CUX1: variants seen among roughly 807,000 people sequenced by gnomAD.
The protein encoded by CUX1 is protein CASP.
In CUX1, 31 loss-of-function variants were observed where a neutral mutation model predicts 158.8. That is an observed-to-expected ratio of 0.20 (90% confidence interval 0.15 to 0.26). The LOEUF (loss-of-function observed/expected upper bound fraction) is 0.26. Ranked by LOEUF, CUX1 falls within the 10% of genes least tolerant of loss-of-function variation. CUX1 has a pLI of 1.00. For missense variants in CUX1, 1,589 were observed against 2,014.6 expected (o/e 0.79, Z 4.04); for synonymous variants, 879 against 862.1 (o/e 1.02, Z -0.34).
chr7:102,252,995 G>A lies in CUX1; in HGVS notation c.*3953G>A, dbSNP rs782697108. ...AAATGCCAGGATCGTGGCTCACAGG[G>A]ACCCACCATCAAAACCTGCTACTTT... On this transcript the variant is annotated 3_prime_UTR_variant, in exon 24 of 24. Transcript: ENST00000292535. 4.5e-4 allele frequency: 447 copies of A among 985,312 alleles called. No individual in the cohort carries two copies. Among genetic ancestry groups the A allele is most frequent in the Admixed American group, 9.2e-4 (15 of 16,272 alleles). The allele number at this position is 985,312 out of a possible 1,614,324, so 61.0% of individuals were successfully genotyped here. A position where few individuals can be genotyped will look rare whatever the true frequency, so the allele number is the denominator to read the frequency against.
chr7:102,206,881 A>G (rs1404275197), intron 20 of CUX1, among the ~76,000 whole-genome samples: 1 of 152,202 alleles, frequency 6.6e-6, no homozygotes, highest in African/African-American at 2.4e-5. Flanking sequence ...CCTGGGCAAC[A>G]GAGCGAGACT....
intron 3 of CUX1, among the ~76,000 whole-genome samples, chr7:102,066,239 C>T (rs981061995): frequency 6.6e-6 from 1 of 152,134 alleles, no homozygotes; most frequent in African/African-American, 2.4e-5. Flanking sequence ...TCCTTCATCG[C>T]TCTGTGACAT....
In CUX1 at chr7:102,256,260, T is replaced by A; in HGVS notation, c.*7218T>A. On this transcript the variant is annotated 3_prime_UTR_variant, in exon 24 of 24. Transcript: ENST00000292535. Reference sequence around the variant, plus strand: ...TCTTGTCTTGTTGAAATGGACTGACTGCTACTGACCTGCCGGCGTGCGTGA... The same window carrying A: ...TCTTGTCTTGTTGAAATGGACTGACAGCTACTGACCTGCCGGCGTGCGTGA... The A allele has an allele frequency of 4.1e-6, 4 of 985,474 alleles. No homozygotes were observed. Among genetic ancestry groups the A allele is most frequent in the Non-Finnish European group, 4.8e-6 (4 of 829,942 alleles). The allele number at this position is 985,474 out of a possible 1,614,324, so 61.0% of individuals were successfully genotyped here. A position where few individuals can be genotyped will look rare whatever the true frequency, so the allele number is the denominator to read the frequency against.
chr7:102,274,333 G>A (rs1357628114), intron 16 of CUX1: 2 of 1,585,254 alleles, frequency 1.3e-6, no homozygotes, highest in African/African-American at 1.3e-5. Context: ...CTGACCCATG[G>A]GAGGAGGGAG....
In CUX1 at chr7:102,248,693, A is replaced by T; in HGVS notation, c.4169A>T (p.Asp1390Val). ...TPGPDDARDDDHEGGPVEGPG... is the reference protein window; with the variant it reads ...TPGPDDARDDVHEGGPVEGPG... ...GGCCCGGACGACGCCCGCGACGACG[A>T]CCACGAGGGAGGCCCCGTGGAAGGC... is the stretch of plus-strand genomic sequence containing the variant. Residue 1390 changes from aspartate to valine, a missense_variant, in exon 24 of 24, where the codon GAC becomes GTC. This residue lies in a region of CUX1 where 344 missense variants were observed against 323.7 expected (regional missense o/e 1.06). Coordinates refer to ENST00000292535, the MANE Select transcript of CUX1 (RefSeq NM_181552.4). This position sits in a 1 kb window ranked among gnomAD's most constrained non-coding sequence, Gnocchi z 5.8. The T allele has an allele frequency of 7.9e-7, 1 of 1,260,534 alleles. No individual in the cohort carries two copies. Among genetic ancestry groups the T allele is most frequent in the Non-Finnish European group, 1.0e-6 (1 of 999,454 alleles). The allele number at this position is 1,260,534 out of a possible 1,614,324, so 78.1% of individuals were successfully genotyped here.
chr7:102,036,782 G>A (rs1821478222), intron 3 of CUX1, among the ~76,000 whole-genome samples: 1 of 151,672 alleles, frequency 6.6e-6, no homozygotes, highest in South Asian at 2.1e-4. Context: ...AAAAACACCG[G>A]AATCTGGCCT....
intron 2 of CUX1, among the ~76,000 whole-genome samples, chr7:101,992,185 C>T (rs1228784338): frequency 6.6e-6 from 1 of 151,908 alleles, no homozygotes; most frequent in African/African-American, 2.4e-5. Flanking sequence ...TTCTTCTAGC[C>T]AGAGCTTTCC....
chr7:101,962,366 C>T (rs1043902441), intron 2 of CUX1, among the ~76,000 whole-genome samples: 1 of 152,204 alleles, frequency 6.6e-6, no homozygotes, highest in Non-Finnish European at 1.5e-5. Flanking sequence ...TCTACCCTTT[C>T]GGGATCTTCC....
intron 2 of CUX1, among the ~76,000 whole-genome samples, chr7:101,986,742 G>C (rs1307191262): frequency 6.6e-6 from 1 of 152,206 alleles, no homozygotes; most frequent in African/African-American, 2.4e-5. Flanking sequence ...AAGGACCATT[G>C]AGTTGGCATA....
At chr7:101,980,864 C>T (rs1172524695) in intron 2 of CUX1, among the ~76,000 whole-genome samples, 3 of 152,140 alleles carry the variant, frequency 2.0e-5, no homozygotes, top group South Asian at 2.1e-4. Flanking sequence ...ACAGCACCTG[C>T]GCTTCCTGAC....
At chr7:102,108,380 C>T (rs1795750002) in intron 6 of CUX1, among the ~76,000 whole-genome samples, 1 of 152,142 alleles carries the variant, frequency 6.6e-6, no homozygotes, top group Admixed American at 6.5e-5. Flanking sequence ...GAGTCTTGCT[C>T]TGTCACCCAG....
intron 3 of CUX1, among the ~76,000 whole-genome samples, chr7:102,033,738 A>G (rs1821071749): frequency 6.6e-6 from 1 of 152,244 alleles, no homozygotes; most frequent in Non-Finnish European, 1.5e-5. Flanking sequence ...TCTCATACTT[A>G]GCAGACTCCT....
Position 102,154,940 on chromosome 7 carries a change from C to G in CUX1, c.675-3620C>G, listed in dbSNP as rs117245925. 1.8e-3 allele frequency among the ~76,000 whole-genome samples: 269 copies of G among 152,358 alleles called. 7 individuals are homozygous for G. In the East Asian group the frequency reaches 0.046, roughly 26 times the overall value. On this transcript the variant is annotated intron_variant, in intron 8 of 23. Coordinates refer to ENST00000292535, the MANE Select transcript of CUX1 (RefSeq NM_181552.4). ...GTCCCCATCCACCTCCCAAGTTCTG[C>G]AGCCAGCTCTGCTGATGCATTCAGA...
At chr7:102,177,825 T>C (rs1360616239) in intron 10 of CUX1, among the ~76,000 whole-genome samples, 1 of 152,232 alleles carries the variant, frequency 6.6e-6, no homozygotes, top group African/African-American at 2.4e-5. Flanking sequence ...GTGTATTTTC[T>C]GCATCTCACT....
chr7:102,236,036 T>TCATC (rs1554532679), intron 22 of CUX1, among the ~76,000 whole-genome samples: 1 of 152,164 alleles, frequency 6.6e-6, no homozygotes, highest in Non-Finnish European at 1.5e-5. Flanking sequence ...AGACTGCTGT[T>TCATC]CATCCACACG....
intron 9 of CUX1, among the ~76,000 whole-genome samples, chr7:102,162,930 C>A (rs1330435299): frequency 6.6e-6 from 1 of 152,124 alleles, no homozygotes; most frequent in African/African-American, 2.4e-5. Flanking sequence ...CAGGCCAGCC[C>A]TCCCAGAGAG....
chr7:102,275,569 G>A (rs548123321), intron 17 of CUX1, among the ~76,000 whole-genome samples: 46 of 152,272 alleles, frequency 3.0e-4, no homozygotes, highest in African/African-American at 9.9e-4. Flanking sequence ...GGAGACACGG[G>A]GGCCAGTGAG....
At chr7:102,149,112 C>A (rs926168187) in intron 8 of CUX1, among the ~76,000 whole-genome samples, 6 of 152,054 alleles carry the variant, frequency 3.9e-5, no homozygotes, top group African/African-American at 1.4e-4. Flanking sequence ...CAGGATGCCT[C>A]GCAACCCCGA....
At chr7:101,922,194 G>C (rs985791903) in intron 2 of CUX1, among the ~76,000 whole-genome samples, 1 of 152,164 alleles carries the variant, frequency 6.6e-6, no homozygotes, top group Non-Finnish European at 1.5e-5. Flanking sequence ...GTGCCAGACA[G>C]TTTGGCCCTG....
Sources: gnomAD v4.1 joint callset for allele counts (sites outside exome capture counted in the v4.1 genomes callset) on GRCh38, gnomAD v4.1.1 for gene constraint, gnomAD v4.1.1 regional missense constraint, Gnocchi (gnomAD v3.1) non-coding constraint, MANE v1.5 for transcripts, NCBI Gene and HGNC (gene_info 2026-07-23, HGNC 2026-07-21) for gene names.